The following SCGB2B2 variants were observed in gnomAD, a reference collection of about 807,000 sequenced individuals.
SCGB2B2 encodes the protein secretoglobin family 2B member 2.
A neutral mutation model predicts 7.6 loss-of-function variants in SCGB2B2; 11 were observed. That is an observed-to-expected ratio of 1.45 (90% CI 0.91 to 2.40). The LOEUF (loss-of-function observed/expected upper bound fraction) is 2.40. SCGB2B2 is among the 30% of genes most tolerant of loss of function. The pLI is 0.00. For synonymous variants in SCGB2B2, 50 were observed against 48.6 expected, an observed-to-expected ratio of 1.03 and a Z score of -0.12; for missense variants, 104 against 115.4, an observed-to-expected ratio of 0.90 and a Z score of 0.45.
At chr19:34,643,749 A>G (rs538095828) in intron 1 of SCGB2B2, among the ~76,000 whole-genome samples, 149 of 152,270 alleles carry the variant, frequency 9.8e-4, no homozygotes, top group Non-Finnish European at 1.2e-3. Flanking sequence ...GTAAAAGGAG[A>G]ACATTAGACA....
chr19:34,626,113 A>C (rs1248577595), intron 1 of SCGB2B2, among the ~76,000 whole-genome samples: 1 of 152,232 alleles, frequency 6.6e-6, no homozygotes, highest in Non-Finnish European at 1.5e-5. Context: ...TCTGTACGTC[A>C]CCATCATCAA....
At chr19:34,620,267 T>C (rs944602521) in intron 1 of SCGB2B2, among the ~76,000 whole-genome samples, 1 of 152,120 alleles carries the variant, frequency 6.6e-6, no homozygotes, top group Non-Finnish European at 1.5e-5. Flanking sequence ...AGCAAAGACT[T>C]GGAACCAACC....
At position 34,619,376 on chromosome 19, in the gene SCGB2B2, C is replaced by G. The variant is rs995807510; in HGVS notation, c.-2031-22782G>C. Among the ~76,000 whole-genome samples the G allele has an allele frequency of 4.7e-5, 7 of 150,398 alleles. No homozygotes were observed. The South Asian group carries it at 6.4e-4, about 14-fold the overall frequency. On this transcript the variant is annotated intron_variant, in intron 1 of 3. Transcript: ENST00000601241. ...TTCTTTAAAAATCTTTTATTACCAGCTTTTAGCCAAGACAAAGGGCCAATA... is the reference window on the plus strand; with the variant it reads ...TTCTTTAAAAATCTTTTATTACCAGGTTTTAGCCAAGACAAAGGGCCAATA...
chr19:34,616,825 G>A (rs1332784096), intron 1 of SCGB2B2, among the ~76,000 whole-genome samples: 2 of 151,804 alleles, frequency 1.3e-5, no homozygotes, highest in Non-Finnish European at 2.9e-5. Flanking sequence ...TTAGGTCTAA[G>A]GTTTAAGTCT....
intron 1 of SCGB2B2, among the ~76,000 whole-genome samples, chr19:34,621,702 G>A (rs2066247388): frequency 6.6e-6 from 1 of 152,132 alleles, no homozygotes; most frequent in Non-Finnish European, 1.5e-5. Flanking sequence ...ACTTTACAGG[G>A]AATATAAACA....
In SCGB2B2 at chr19:34,665,519, C is replaced by T. The variant is rs1026575779; in HGVS notation, c.-2032+10111G>A. ...CCCTGGCCCTGGCACAGAAAGTGCACGATCTGGTCATGTCATGCAGGTGAC... is the reference window on the plus strand; with the variant it reads ...CCCTGGCCCTGGCACAGAAAGTGCATGATCTGGTCATGTCATGCAGGTGAC... On this transcript the variant is annotated intron_variant, in intron 1 of 3. Coordinates refer to ENST00000601241, the MANE Select transcript of SCGB2B2 (RefSeq NM_001025591.4). Among the ~76,000 whole-genome samples the T allele has an allele frequency of 4.6e-5, 7 of 152,308 alleles. No homozygotes were observed. The East Asian group carries it at 1.2e-3, about 25-fold the overall frequency.
chr19:34,623,755 C>G (rs2066298353), intron 1 of SCGB2B2, among the ~76,000 whole-genome samples: 1 of 152,170 alleles, frequency 6.6e-6, no homozygotes, highest in African/African-American at 2.4e-5. Context: ...TAGCAAAGCC[C>G]TGATTTCCCA....
intron 3 of SCGB2B2, 44 bp downstream of exon 3, chr19:34,594,131 C>A (rs376568366): frequency 4.0e-6 from 6 of 1,491,716 alleles, no homozygotes; most frequent in Admixed American, 1.7e-5. Context: ...AAGCCTGGGA[C>A]GTGTGGCCAT....
In SCGB2B2 at chr19:34,597,399, C is replaced by A. The variant is rs545850310; in HGVS notation, c.-2031-805G>T. ...CTGGGGACATTGGGGGTGGTGGTGG[C>A]TGGAGGCCAGGGAAGTCACCAGGCT... On this transcript the variant is annotated intron_variant, in intron 1 of 3. Coordinates refer to ENST00000601241, the MANE Select transcript of SCGB2B2 (RefSeq NM_001025591.4). Among the ~76,000 whole-genome samples, 264 of 152,092 alleles carry A rather than the reference C, an allele frequency of 1.7e-3. 1 individual carries two copies. The highest frequency in any genetic ancestry group is 2.4e-3 in the Non-Finnish European group (162 of 67,986).
chr19:34,672,228 ATT>A (rs11372781), intron 1 of SCGB2B2, among the ~76,000 whole-genome samples: 1 of 146,250 alleles, frequency 6.8e-6, no homozygotes, highest in Non-Finnish European at 1.5e-5. Flanking sequence ...TTTTTCTCAC[ATT>A]TTTTTTTTTT....
intron 1 of SCGB2B2, among the ~76,000 whole-genome samples, chr19:34,607,970 A>G (rs2145821728): frequency 6.6e-6 from 1 of 151,642 alleles, no homozygotes; most frequent in Non-Finnish European, 1.5e-5. Context: ...ATATTTTGGG[A>G]TTTTTTTCCT....
At chr19:34,656,274 G>A (rs530979156) in intron 1 of SCGB2B2, among the ~76,000 whole-genome samples, 2 of 151,518 alleles carry the variant, frequency 1.3e-5, no homozygotes, top group South Asian at 4.1e-4. Flanking sequence ...AAATGCAAGT[G>A]AGATATGTTA....
At position 34,673,907 on chromosome 19, in the gene SCGB2B2, A is replaced by G. The variant is rs887784258; in HGVS notation, c.-2032+1723T>C. On this transcript the variant is annotated intron_variant, in intron 1 of 3. Transcript: ENST00000601241. The stretch of plus-strand genomic sequence containing the variant: ...TAAAATGGCATCCTCTGGCTCTCTT[A>G]TACTCCTGCTTCCCTAACGATGGGG... 2.6e-5 allele frequency among the ~76,000 whole-genome samples: 4 copies of G among 152,280 alleles called. No individual in the cohort carries two copies. In the East Asian group the frequency reaches 7.7e-4, roughly 29 times the overall value.
chr19:34,650,289 C>T (rs2146072336), intron 1 of SCGB2B2, among the ~76,000 whole-genome samples: 1 of 151,332 alleles, frequency 6.6e-6, no homozygotes, highest in Non-Finnish European at 1.5e-5. Flanking sequence ...TCCAGCCGAG[C>T]CAACGGCAAA....
At chr19:34,596,894 C>T (rs1341926978) in intron 1 of SCGB2B2, among the ~76,000 whole-genome samples, 1 of 151,904 alleles carries the variant, frequency 6.6e-6, no homozygotes, top group East Asian at 2.0e-4. Context: ...GACCCCAGAG[C>T]ACTGTGTCCC....
intron 1 of SCGB2B2, among the ~76,000 whole-genome samples, chr19:34,617,540 C>G (rs1358122575): frequency 2.0e-5 from 3 of 151,332 alleles, no homozygotes; most frequent in Non-Finnish European, 4.4e-5. Flanking sequence ...GATTTTGTAT[C>G]CTGAGACTTT....
intron 1 of SCGB2B2, among the ~76,000 whole-genome samples, chr19:34,644,659 G>A (rs986869154): frequency 9.2e-5 from 14 of 151,960 alleles, no homozygotes; most frequent in African/African-American, 3.4e-4. Flanking sequence ...TTTTGCGTCT[G>A]GCTTATTTCA....
chr19:34,634,116 G>C (rs1243353684), intron 1 of SCGB2B2, among the ~76,000 whole-genome samples: 2 of 152,134 alleles, frequency 1.3e-5, no homozygotes, highest in African/African-American at 4.8e-5. Context: ...ACTAAATCTG[G>C]AAGTCCTGAA....
At chr19:34,669,283 C>G (rs2067733853) in intron 1 of SCGB2B2, among the ~76,000 whole-genome samples, 1 of 152,220 alleles carries the variant, frequency 6.6e-6, no homozygotes, top group Non-Finnish European at 1.5e-5. Flanking sequence ...TTCTATATCT[C>G]ACTTCCTTTA....
Sources: allele counts gnomAD v4.1 joint callset (sites outside exome capture counted in the v4.1 genomes callset), GRCh38; gene constraint gnomAD v4.1.1; transcripts MANE v1.5; gene names NCBI Gene and HGNC (gene_info 2026-07-23, HGNC 2026-07-21).